Variants in ROBO1 observed in about 807,000 individuals in gnomAD.
The protein encoded by ROBO1 is roundabout guidance receptor 1, also known as roundabout homolog 1.
Under a neutral mutation model 195.9 loss-of-function variants are expected in ROBO1, and 149 were observed. The observed-to-expected ratio is 0.76, with a 90% CI of 0.67 to 0.87. The LOEUF (loss-of-function observed/expected upper bound fraction) is 0.87. Among genes scored for constraint, ROBO1 ranks in the 40% least tolerant of loss-of-function variants. ROBO1 has a pLI of 0.00. For synonymous variants in ROBO1, 816 were observed against 733.2 expected, an observed-to-expected ratio of 1.11 and a Z score of -1.82; for missense variants, 1,933 against 2,068.3, an observed-to-expected ratio of 0.93 and a Z score of 1.27.
At chr3:78,977,055 CA>C (rs1329561544) in intron 3 of ROBO1, among the ~76,000 whole-genome samples, 3 of 152,006 alleles carry the variant, frequency 2.0e-5, no homozygotes, top group Non-Finnish European at 4.4e-5. Flanking sequence ...ATTGGTAAAA[CA>C]AAAACAAAAA....
At chr3:78,614,894 A>T (rs1246801851) in intron 27 of ROBO1, 94 bp from the exon 28 acceptor site, 3 of 1,264,842 alleles carry the variant, frequency 2.4e-6, no homozygotes, top group Non-Finnish European at 3.2e-6. Context: ...AACCAGAAAC[A>T]GCTTTAATTT....
At chr3:78,758,484 C>T (rs1351088707) in intron 4 of ROBO1, among the ~76,000 whole-genome samples, 4 of 143,496 alleles carry the variant, frequency 2.8e-5, no homozygotes, top group African/African-American at 8.0e-5. Flanking sequence ...CATGGTCATG[C>T]CACTTCACTC....
intron 4 of ROBO1, among the ~76,000 whole-genome samples, chr3:78,857,081 C>T (rs906872081): frequency 7.2e-5 from 11 of 152,054 alleles, no homozygotes; most frequent in Non-Finnish European, 1.5e-4. Context: ...ACAATTAGAG[C>T]TCTGATGATA....
At chr3:79,609,081 G>A (rs1944577433) in intron 1 of ROBO1, among the ~76,000 whole-genome samples, 1 of 151,836 alleles carries the variant, frequency 6.6e-6, no homozygotes, top group South Asian at 2.1e-4. Flanking sequence ...CAAAATGCTG[G>A]CATCTTGATC....
At chr3:79,730,583 T>C in intron 1 of ROBO1, among the ~76,000 whole-genome samples, 1 of 152,116 alleles carries the variant, frequency 6.6e-6, no homozygotes, top group East Asian at 1.9e-4. Context: ...CAACAGCTAA[T>C]AGGTAAGTAT....
intron 2 of ROBO1, among the ~76,000 whole-genome samples, chr3:79,165,800 C>A (rs2081053195): frequency 6.6e-6 from 1 of 152,118 alleles, no homozygotes; most frequent in Non-Finnish European, 1.5e-5. Flanking sequence ...GATAGCCAAC[C>A]CAATACTAAT....
intron 2 of ROBO1, among the ~76,000 whole-genome samples, chr3:79,230,134 A>T (rs2082294218): frequency 6.6e-6 from 1 of 152,042 alleles, no homozygotes; most frequent in Non-Finnish European, 1.5e-5. Flanking sequence ...TGCACCTTCA[A>T]TCTATACCCA....
At chr3:79,305,546 C>T (rs1465053702) in intron 2 of ROBO1, among the ~76,000 whole-genome samples, 2 of 140,082 alleles carry the variant, frequency 1.4e-5, no homozygotes, top group African/African-American at 5.2e-5. Flanking sequence ...TTGAAAAAAT[C>T]AATACATTTT....
chr3:79,119,438 G>A (rs1313172363), intron 3 of ROBO1, among the ~76,000 whole-genome samples: 2 of 152,100 alleles, frequency 1.3e-5, no homozygotes, highest in East Asian at 1.9e-4. Flanking sequence ...AACCCACGAT[G>A]CTAATTTCTG....
Position 79,563,489 on chromosome 3 carries a change from C to CA in ROBO1, c.88+26334dup, listed in dbSNP as rs541252254. Among the ~76,000 whole-genome samples, 614 of 151,912 alleles carry CA rather than the reference C, an allele frequency of 4.0e-3. 3 individuals are homozygous for CA. Among genetic ancestry groups the CA allele is most frequent in the Non-Finnish European group, 4.4e-3 (298 of 67,916 alleles). ...CACATGGCTTTTTACTATCTTCATTCAAAAAATAGCTATGTTTGGCATATA... is the reference window on the plus strand; with the variant it reads ...CACATGGCTTTTTACTATCTTCATTCAAAAAAATAGCTATGTTTGGCATATA... On this transcript the variant is annotated intron_variant, in intron 2 of 30. Transcript: ENST00000464233.
intron 4 of ROBO1, among the ~76,000 whole-genome samples, chr3:78,788,804 A>T (rs2083929427): frequency 6.8e-6 from 1 of 146,670 alleles, no homozygotes; most frequent in South Asian, 2.2e-4. Context: ...TCCAAAATTT[A>T]TAAAATATCA....
intron 2 of ROBO1, among the ~76,000 whole-genome samples, chr3:79,335,333 T>G (rs912726199): frequency 6.6e-6 from 1 of 152,088 alleles, no homozygotes; most frequent in African/African-American, 2.4e-5. Flanking sequence ...AAATAAAGTA[T>G]CTAGGAATGG....
At chr3:79,020,996 G>A (rs1490426077) in intron 3 of ROBO1, among the ~76,000 whole-genome samples, 1 of 152,148 alleles carries the variant, frequency 6.6e-6, no homozygotes, top group Non-Finnish European at 1.5e-5. Context: ...AAAGCAAATT[G>A]TACATTGATT....
At chr3:79,489,697 T>C (rs1269365089) in intron 2 of ROBO1, among the ~76,000 whole-genome samples, 1 of 151,836 alleles carries the variant, frequency 6.6e-6, no homozygotes, top group Non-Finnish European at 1.5e-5. Flanking sequence ...ATTTCTGTTT[T>C]AGAAAAAAAG....
chr3:78,699,055 T>C (rs1351446279), intron 8 of ROBO1, among the ~76,000 whole-genome samples: 1 of 152,114 alleles, frequency 6.6e-6, no homozygotes, highest in Non-Finnish European at 1.5e-5. Context: ...AACCTACATC[T>C]TTCCTGTCTT....
intron 3 of ROBO1, among the ~76,000 whole-genome samples, chr3:78,981,819 ACACAC>A: frequency 2.6e-5 from 4 of 151,668 alleles, no homozygotes; most frequent in African/African-American, 9.7e-5. Context: ...ACACACACAC[ACACAC>A]AAAAACACAC....
chr3:79,452,901 G>C (rs2107207333), intron 2 of ROBO1, among the ~76,000 whole-genome samples: 1 of 152,106 alleles, frequency 6.6e-6, no homozygotes, highest in Non-Finnish European at 1.5e-5. Context: ...ATTTGTGGCT[G>C]TGGTTTTCTA....
At chr3:79,450,847 T>C (rs1335396172) in intron 2 of ROBO1, among the ~76,000 whole-genome samples, 1 of 151,938 alleles carries the variant, frequency 6.6e-6, no homozygotes, top group East Asian at 1.9e-4. Flanking sequence ...AAGTACTTTT[T>C]CACATTGCAG....
At chr3:79,339,445 C>T (rs1291564407) in intron 2 of ROBO1, among the ~76,000 whole-genome samples, 1 of 152,156 alleles carries the variant, frequency 6.6e-6, no homozygotes, top group Non-Finnish European at 1.5e-5. Flanking sequence ...ATCACAAACA[C>T]ATTTGCATGC....
Sources: allele counts gnomAD v4.1 joint callset (sites outside exome capture counted in the v4.1 genomes callset), GRCh38; gene constraint gnomAD v4.1.1; transcripts MANE v1.5; gene names NCBI Gene and HGNC (gene_info 2026-07-23, HGNC 2026-07-21).